The following ENTREP2 variants were observed in gnomAD, a reference collection of about 807,000 sequenced individuals.
ENTREP2 encodes the protein protein ENTREP2.
chr15:29,592,542 C>T, the ENTREP2 span, among the ~76,000 whole-genome samples: 3 of 151,820 alleles, frequency 2.0e-5, no homozygotes, highest in Admixed American at 6.6e-5. Flanking sequence ...TTGCGGGGGG[C>T]GGAGCCCTCA....
chr15:29,502,934 T>G, the ENTREP2 span, among the ~76,000 whole-genome samples: 1 of 150,214 alleles, frequency 6.7e-6, no homozygotes. Flanking sequence ...ATGGCTAGAA[T>G]AAAGGGGGAA....
the ENTREP2 span, among the ~76,000 whole-genome samples, chr15:29,647,369 T>C: frequency 1.2e-4 from 19 of 152,202 alleles, no homozygotes; most frequent in African/African-American, 4.3e-4. Context: ...TATCGCCTTT[T>C]TACAAACCTA....
chr15:29,652,952 G>T, the ENTREP2 span, among the ~76,000 whole-genome samples: 122 of 152,250 alleles, frequency 8.0e-4, no homozygotes, highest in African/African-American at 2.8e-3. Context: ...AACCACAGAG[G>T]TTTCTGGCCA....
the ENTREP2 span, among the ~76,000 whole-genome samples, chr15:29,154,271 C>CT: frequency 1.3e-4 from 20 of 150,544 alleles, no homozygotes; most frequent in South Asian, 4.2e-4. Flanking sequence ...TATTATTGTT[C>CT]TTTTTTTTTG....
the ENTREP2 span, among the ~76,000 whole-genome samples, chr15:29,261,596 A>G: frequency 6.6e-6 from 1 of 152,244 alleles, no homozygotes; most frequent in Non-Finnish European, 1.5e-5. Context: ...AGCTAACCAC[A>G]TATTAGGCCA....
At chr15:29,592,703 T>G in the ENTREP2 span, among the ~76,000 whole-genome samples, 121,265 of 152,034 alleles carry the variant, frequency 0.8, 48,886 homozygotes, top group Non-Finnish European at 0.86. Flanking sequence ...TGAAGCTGGG[T>G]TCTCACGGGA....
At chr15:29,616,995 G>A in the ENTREP2 span, among the ~76,000 whole-genome samples, 4 of 152,198 alleles carry the variant, frequency 2.6e-5, no homozygotes, top group Admixed American at 2.6e-4. Context: ...GGGAGGCGGA[G>A]GTTGCAGTGA....
the ENTREP2 span, among the ~76,000 whole-genome samples, chr15:29,138,581 A>ATGTGCATATGTTATGTGCG: frequency 2.6e-5 from 4 of 151,606 alleles, no homozygotes; most frequent in Non-Finnish European, 5.9e-5. Context: ...GTGCATGTGC[A>ATGTGCATATGTTATGTGCG]TGTGTCTGTG....
the ENTREP2 span, among the ~76,000 whole-genome samples, chr15:29,633,630 A>G: frequency 6.6e-6 from 1 of 152,150 alleles, no homozygotes; most frequent in African/African-American, 2.4e-5. Context: ...TGTCAGAAGG[A>G]AACTATTTTA....
chr15:29,422,087 G>A, the ENTREP2 span, among the ~76,000 whole-genome samples: 1 of 152,058 alleles, frequency 6.6e-6, no homozygotes, highest in African/African-American at 2.4e-5. Context: ...GGCCAACATG[G>A]TGGAACCCTG....
At chr15:29,121,302 G>A in the ENTREP2 span, 2 of 152,318 alleles carry the variant, frequency 1.3e-5, no homozygotes, top group African/African-American at 4.8e-5. Context: ...TGCATGAGGA[G>A]AACACCCCAG....
the ENTREP2 span, among the ~76,000 whole-genome samples, chr15:29,377,850 T>C: frequency 6.4e-5 from 9 of 140,068 alleles, no homozygotes; most frequent in Middle Eastern, 3.7e-3. Context: ...ATAATAATAA[T>C]AATAATAATA....
chr15:29,657,166 T>C, the ENTREP2 span, among the ~76,000 whole-genome samples: 4 of 151,340 alleles, frequency 2.6e-5, no homozygotes, highest in African/African-American at 9.7e-5. Flanking sequence ...TCCTGCCTCC[T>C]CCTCCTGAGC....
chr15:29,600,089 G>C, the ENTREP2 span, among the ~76,000 whole-genome samples: 1 of 152,218 alleles, frequency 6.6e-6, no homozygotes, highest in Admixed American at 6.5e-5. Flanking sequence ...CCTCTATACG[G>C]CTGGTGACAG....
At chr15:29,182,127 A>AT in the ENTREP2 span, among the ~76,000 whole-genome samples, 664 of 144,750 alleles carry the variant, frequency 4.6e-3, no homozygotes, top group African/African-American at 8.4e-3. Context: ...AAAAAAAAGA[A>AT]TTTTTTTTTT....
chr15:29,287,286 C>T, the ENTREP2 span, among the ~76,000 whole-genome samples: 27 of 151,460 alleles, frequency 1.8e-4, no homozygotes, highest in South Asian at 4.2e-4. Flanking sequence ...TCCTTGTTCT[C>T]GGCTTTGCAA....
At chr15:29,653,867 G>C in the ENTREP2 span, among the ~76,000 whole-genome samples, 1 of 151,906 alleles carries the variant, frequency 6.6e-6, no homozygotes, top group African/African-American at 2.4e-5. Flanking sequence ...TTCCATCTAA[G>C]AGTGTAAAGC....
the ENTREP2 span, among the ~76,000 whole-genome samples, chr15:29,618,820 C>G: frequency 2.0e-5 from 3 of 152,176 alleles, no homozygotes; most frequent in Non-Finnish European, 4.4e-5. Context: ...GAGAGACACA[C>G]AGGAGGGTGA....
chr15:29,304,246 T>C, the ENTREP2 span, among the ~76,000 whole-genome samples: 1 of 152,080 alleles, frequency 6.6e-6, no homozygotes, highest in African/African-American at 2.4e-5. Flanking sequence ...GGCAGAAAAC[T>C]AACAAAGATA....
Sources: gnomAD v4.1 joint callset for allele counts (sites outside exome capture counted in the v4.1 genomes callset) on GRCh38, gnomAD v4.1.1 for gene constraint, MANE v1.5 for transcripts, NCBI Gene and HGNC (gene_info 2026-07-23, HGNC 2026-07-21) for gene names.